ARID5B: variants seen among roughly 807,000 people sequenced by gnomAD.
The protein encoded by ARID5B is AT-rich interaction domain 5B.
A neutral mutation model predicts 97.2 loss-of-function variants in ARID5B; 13 were observed. The observed-to-expected ratio is 0.13, with a 90% confidence interval of 0.09 to 0.21. The LOEUF is 0.21. Among genes scored for constraint, ARID5B ranks in the 10% least tolerant of loss-of-function variants. The pLI is 1.00. For synonymous variants in ARID5B, 556 were observed against 570.3 expected (o/e 0.97, Z 0.36); for missense variants, 1,210 against 1,465.3 (o/e 0.83, Z 2.84).
chr10:61,981,124 G>C (rs965500157), intron 3 of ARID5B, among the ~76,000 whole-genome samples: 2 of 152,198 alleles, frequency 1.3e-5, no homozygotes, highest in Admixed American at 1.3e-4. Context: ...CTATAAAATG[G>C]AAGCAGTAAA....
chr10:62,021,055 T>TATAC (rs1424199732), intron 4 of ARID5B, among the ~76,000 whole-genome samples: 3 of 137,342 alleles, frequency 2.2e-5, no homozygotes, highest in Non-Finnish European at 4.5e-5. Flanking sequence ...TATATATATA[T>TATAC]ATATATATAT....
At position 62,000,412 on chromosome 10, in the gene ARID5B, G is replaced by A; in HGVS notation, c.733+91G>A. 7 of 1,247,276 alleles carry A rather than the reference G, an allele frequency of 5.6e-6. No homozygotes were observed. The highest frequency in any genetic ancestry group is 7.7e-6 in the Non-Finnish European group (7 of 905,930). The allele number at this position is 1,247,276 out of a possible 1,614,324, so 77.3% of individuals were successfully genotyped here. ...CTGAAGAGCGGTGATGGGGAACGGG[G>A]CTCACTTTCACAAGCCCCATGTGCT... On this transcript the variant is annotated intron_variant, in intron 4 of 9. Coordinates refer to ENST00000279873, the MANE Select transcript of ARID5B (RefSeq NM_032199.3). This position sits in a 1 kb window ranked among gnomAD's most constrained non-coding sequence, Gnocchi z 4.4.
Position 61,944,701 on chromosome 10 carries a change from G to A in ARID5B, c.502+4293G>A, listed in dbSNP as rs1029257679. On this transcript the variant is annotated intron_variant, in intron 3 of 9. Transcript: ENST00000279873. ...CTCTACAGGTTGACTTTTTATTGAA[G>A]CCCTTTGAGGCATACAACAGAATGT... is the stretch of plus-strand genomic sequence containing the variant. 6.6e-5 allele frequency among the ~76,000 whole-genome samples: 10 copies of A among 152,260 alleles called. No individual in the cohort carries two copies. The East Asian group carries it at 1.7e-3, about 26-fold the overall frequency.
At chr10:61,908,075 C>G (rs1843735056) in intron 2 of ARID5B, among the ~76,000 whole-genome samples, 1 of 152,106 alleles carries the variant, frequency 6.6e-6, no homozygotes, top group South Asian at 2.1e-4. Context: ...GTTTACATAT[C>G]CAATCCAATT....
rs1462112764 is a variant in ARID5B at position 62,094,811 on chromosome 10, A to T, written c.*1781A>T. 1 of 231,258 alleles carries T rather than the reference A, an allele frequency of 4.3e-6. No individual in the cohort carries two copies. Among genetic ancestry groups the T allele is most frequent in the Non-Finnish European group, 8.6e-6 (1 of 116,784 alleles). The allele number at this position is 231,258 out of a possible 1,614,324, so 14.3% of individuals were successfully genotyped here. On this transcript the variant is annotated 3_prime_UTR_variant, in exon 10 of 10. Transcript: ENST00000279873. ...CACTACCAGTAGACTTTAGAACCAT[A>T]GTTAACTAAGTCTTTTACCTCTGAG...
intron 2 of ARID5B, 47 bp from the exon 3 acceptor site, chr10:61,940,136 A>C (rs7073837): frequency 0.6 from 940,199 of 1,579,632 alleles, 283,708 homozygotes; most frequent in African/African-American, 0.72. Flanking sequence ...CATTTCCCTC[A>C]AACCTATAAA....
chr10:61,930,722 A>AAAATAAATAAATAAAT (rs55665606), intron 2 of ARID5B, among the ~76,000 whole-genome samples: 44,020 of 140,038 alleles, frequency 0.31, 7,462 homozygotes, highest in African/African-American at 0.35. Context: ...TCCGCCTCAA[A>AAAATAAATAAATAAAT]AAATAAATAA....
chr10:62,062,139 G>A (rs566506226), intron 7 of ARID5B, among the ~76,000 whole-genome samples: 1 of 152,222 alleles, frequency 6.6e-6, no homozygotes, highest in East Asian at 1.9e-4. Context: ...ATGTTCAATG[G>A]GCATTGAATT....
rs1207724828 is a variant in ARID5B, at chr10:62,093,002, C to T, written c.3539C>T (p.Ser1180Leu). ...PQAAFPSSQL[S>L]SVHPSTKL is the part of the protein sequence containing the mutation. Reference sequence around the variant, plus strand: ...GCTGCCTTTCCATCTTCCCAGCTGTCATCCGTGCACCCCAGTACAAAACTG... The same window carrying T: ...GCTGCCTTTCCATCTTCCCAGCTGTTATCCGTGCACCCCAGTACAAAACTG... The change falls in exon 10 of 10, where the codon TCA becomes TTA. Residue 1180 changes from serine (S) to leucine (L), a missense_variant. Ser to Leu is a moderately radical substitution (Grantham distance 145). Around this residue, in one of 8 missense-constraint regions of ARID5B, gnomAD observed 54 missense variants for 67.4 expected, o/e 0.80. Coordinates refer to ENST00000279873, the MANE Select transcript of ARID5B (RefSeq NM_032199.3). 2 of 1,611,292 alleles carry T rather than the reference C, an allele frequency of 1.2e-6. No individual in the cohort carries two copies. The highest frequency in any genetic ancestry group is 1.7e-6 in the Non-Finnish European group (2 of 1,179,452).
intron 2 of ARID5B, among the ~76,000 whole-genome samples, chr10:61,932,202 A>C (rs1844221997): frequency 6.6e-6 from 1 of 152,192 alleles, no homozygotes; most frequent in East Asian, 1.9e-4. Context: ...GTGCGTTAGC[A>C]ATATGTCTAA....
chr10:61,933,411 C>T (rs996207975), intron 2 of ARID5B, among the ~76,000 whole-genome samples: 1 of 152,208 alleles, frequency 6.6e-6, no homozygotes, highest in Admixed American at 6.5e-5. Flanking sequence ...TACTTAATGG[C>T]ATCTAGAATA....
intron 4 of ARID5B, among the ~76,000 whole-genome samples, chr10:62,001,962 C>T (rs1056040663): frequency 3.3e-5 from 5 of 152,162 alleles, no homozygotes; most frequent in African/African-American, 1.2e-4. Context: ...TACAAATCTT[C>T]CCTTTTCAAT....
chr10:62,070,328 A>C (rs1306748922), intron 8 of ARID5B, among the ~76,000 whole-genome samples: 1 of 152,234 alleles, frequency 6.6e-6, no homozygotes, highest in Non-Finnish European at 1.5e-5. Flanking sequence ...CTATTTCAGA[A>C]AGATGATGAG....
chr10:62,049,186 C>T, intron 4 of ARID5B: 1 of 1,276,176 alleles, frequency 7.8e-7, no homozygotes, highest in Non-Finnish European at 9.9e-7. Flanking sequence ...AAATCACCAT[C>T]TCCGTGCGGG....
chr10:62,096,257 A>C lies in ARID5B; in HGVS notation c.*3227A>C, dbSNP rs1177661668. ...CATGAATTCTCAAGTACTGTATTTC[A>C]CTGTGTTGGTGTGTCTGATGGAAAT... is the stretch of plus-strand genomic sequence containing the variant. On this transcript the variant is annotated 3_prime_UTR_variant, in exon 10 of 10. Coordinates refer to ENST00000279873, the MANE Select transcript of ARID5B (RefSeq NM_032199.3). The C allele has an allele frequency of 4.3e-6, 1 of 233,532 alleles. No homozygotes were observed. Among genetic ancestry groups the C allele is most frequent in the Non-Finnish European group, 8.5e-6 (1 of 118,040 alleles). The allele number at this position is 233,532 out of a possible 1,614,324, so 14.5% of individuals were successfully genotyped here.
At chr10:61,923,028 T>G (rs1844043958) in intron 2 of ARID5B, among the ~76,000 whole-genome samples, 1 of 152,178 alleles carries the variant, frequency 6.6e-6, no homozygotes, top group Admixed American at 6.5e-5. Context: ...TAATGGAAAT[T>G]GATTTATGGG....
chr10:61,969,452 T>A (rs1838593856), intron 3 of ARID5B, among the ~76,000 whole-genome samples: 1 of 152,058 alleles, frequency 6.6e-6, no homozygotes, highest in Non-Finnish European at 1.5e-5. Context: ...AATAAGTGTC[T>A]ACAACAAAAT....
chr10:62,088,186 A>G (rs896720903), intron 9 of ARID5B, among the ~76,000 whole-genome samples: 4 of 152,180 alleles, frequency 2.6e-5, no homozygotes, highest in African/African-American at 9.7e-5. Flanking sequence ...AGATTTCTCA[A>G]CATCTGCAAG....
intron 5 of ARID5B, 135 bp downstream of exon 5, chr10:62,051,135 G>T (rs967293182): frequency 1.3e-6 from 1 of 791,562 alleles, no homozygotes; most frequent in South Asian, 1.5e-5. Flanking sequence ...AGCTTTTGAA[G>T]CTCTATGCTG....
Sources: allele counts gnomAD v4.1 joint callset (sites outside exome capture counted in the v4.1 genomes callset), GRCh38; gene constraint gnomAD v4.1.1; regional missense constraint gnomAD v4.1.1; non-coding constraint Gnocchi (gnomAD v3.1); transcripts MANE v1.5; gene names NCBI Gene and HGNC (gene_info 2026-07-23, HGNC 2026-07-21).